SNTG2: variants seen among roughly 807,000 people sequenced by gnomAD.
SNTG2 encodes syntrophin gamma 2.
A neutral mutation model predicts 70.9 loss-of-function variants in SNTG2; 74 were observed. The observed-to-expected ratio is 1.04, with a 90% CI of 0.86 to 1.27. SNTG2 has a LOEUF of 1.27. Ranked by LOEUF, SNTG2 falls within the 50% of genes most tolerant of loss-of-function variation. The pLI, the probability that SNTG2 is intolerant of heterozygous loss-of-function variation, is 0.00. For missense variants in SNTG2, 717 were observed against 690.7 expected, an observed-to-expected ratio of 1.04 and a Z score of -0.43; for synonymous variants, 278 against 273.8, an observed-to-expected ratio of 1.02 and a Z score of -0.15.
Position 1,243,308 on chromosome 2 carries a change from G to C in SNTG2, c.888+3532G>C, listed in dbSNP as rs577558672. ...TGTCCCAGCCCAGGGGGAAGAAAGA[G>C]CAAGCAGCCCTGGGGAAGGGAGGTG... On this transcript the variant is annotated intron_variant, in intron 11 of 16. Transcript: ENST00000308624. Among the ~76,000 whole-genome samples, 32 of 152,332 alleles carry C rather than the reference G, an allele frequency of 2.1e-4. 1 individual carries two copies. In the East Asian group the frequency reaches 6.2e-3, roughly 29 times the overall value.
At chr2:1,084,483 C>T (rs1386527619) in intron 2 of SNTG2, among the ~76,000 whole-genome samples, 1 of 152,170 alleles carries the variant, frequency 6.6e-6, no homozygotes, top group East Asian at 1.9e-4. Flanking sequence ...TGCTCCCCAA[C>T]ATGTCCCCTG....
intron 15 of SNTG2, among the ~76,000 whole-genome samples, chr2:1,314,074 A>G (rs543187424): frequency 1.3e-5 from 2 of 152,308 alleles, no homozygotes; most frequent in African/African-American, 4.8e-5. Flanking sequence ...TTTGTATATA[A>G]TGTTTTAATA....
At chr2:1,005,256 TTATC>T (rs1284050067) in intron 1 of SNTG2, among the ~76,000 whole-genome samples, 1 of 152,076 alleles carries the variant, frequency 6.6e-6, no homozygotes. Flanking sequence ...ACAGGTGTCA[TTATC>T]TGTCTGTCCA....
chr2:1,174,646 C>T (rs1004319575), intron 8 of SNTG2, among the ~76,000 whole-genome samples: 2 of 152,180 alleles, frequency 1.3e-5, no homozygotes, highest in African/African-American at 4.8e-5. Context: ...AGTTTATATT[C>T]ACACAGCTCT....
chr2:1,143,851 C>T (rs566266770), intron 6 of SNTG2, among the ~76,000 whole-genome samples: 15 of 150,442 alleles, frequency 1.0e-4, no homozygotes, highest in East Asian at 8.1e-4. Flanking sequence ...CCAGCCTGGG[C>T]GACAGAGCGA....
chr2:1,177,449 A>T (rs1016828575), intron 8 of SNTG2, among the ~76,000 whole-genome samples: 2 of 151,980 alleles, frequency 1.3e-5, no homozygotes, highest in East Asian at 3.9e-4. Context: ...AATGTAACAA[A>T]CCTGCACATC....
chr2:1,173,248 C>G, intron 8 of SNTG2, 65 bp downstream of exon 8: 1 of 1,419,312 alleles, frequency 7.0e-7, no homozygotes, highest in Non-Finnish European at 9.9e-7. Flanking sequence ...GAGATAATCT[C>G]TAGACAGAAT....
chr2:1,086,573 G>A (rs1664698871), intron 2 of SNTG2, among the ~76,000 whole-genome samples: 2 of 152,178 alleles, frequency 1.3e-5, no homozygotes, highest in South Asian at 2.1e-4. Flanking sequence ...CCCCAGGTAC[G>A]AAGTAGAAGC....
intron 12 of SNTG2, 48 bp from the exon 13 acceptor site, chr2:1,259,322 C>T (rs1282593632): frequency 1.9e-6 from 3 of 1,579,830 alleles, no homozygotes; most frequent in South Asian, 1.1e-5. Flanking sequence ...AATTTTTCAA[C>T]TAAAAGTAGC....
chr2:1,080,236 G>A (rs950610002), intron 1 of SNTG2, among the ~76,000 whole-genome samples: 10 of 150,360 alleles, frequency 6.7e-5, no homozygotes, highest in Admixed American at 5.9e-4. Flanking sequence ...CTATTGCTAG[G>A]GAGATTCCTA....
chr2:983,952 G>A (rs1309455604), intron 1 of SNTG2, among the ~76,000 whole-genome samples: 2 of 152,166 alleles, frequency 1.3e-5, no homozygotes, highest in East Asian at 3.9e-4. Context: ...AGATGTCTGT[G>A]TCCCTGTGTC....
At chr2:1,075,703 A>T (rs1553319904) in intron 1 of SNTG2, among the ~76,000 whole-genome samples, 1 of 152,110 alleles carries the variant, frequency 6.6e-6, no homozygotes, top group Non-Finnish European at 1.5e-5. Context: ...TTACTTGTTG[A>T]TGTCTTCATT....
intron 9 of SNTG2, among the ~76,000 whole-genome samples, chr2:1,209,563 G>A (rs952191036): frequency 1.3e-5 from 2 of 152,176 alleles, no homozygotes; most frequent in Non-Finnish European, 1.5e-5. Flanking sequence ...CTGACTTCTT[G>A]TCCAAGTCTC....
chr2:1,049,969 C>T (rs1661964067), intron 1 of SNTG2, among the ~76,000 whole-genome samples: 1 of 152,184 alleles, frequency 6.6e-6, no homozygotes, highest in Non-Finnish European at 1.5e-5. Context: ...CAGATCTTTG[C>T]AGACTTTGAA....
chr2:1,159,151 GGGTGT>G (rs1670105869), intron 6 of SNTG2, among the ~76,000 whole-genome samples: 1 of 151,388 alleles, frequency 6.6e-6, no homozygotes. Context: ...TATGTGGGGG[GGGTGT>G]GTGAGTGCAT....
intron 1 of SNTG2, among the ~76,000 whole-genome samples, chr2:973,509 G>T (rs1660811593): frequency 6.7e-6 from 1 of 150,176 alleles, no homozygotes; most frequent in African/African-American, 2.4e-5. Context: ...GCTTCTTGGG[G>T]GTGTGTGTGT....
intron 6 of SNTG2, among the ~76,000 whole-genome samples, chr2:1,161,957 C>T (rs1670324099): frequency 6.6e-6 from 1 of 151,754 alleles, no homozygotes; most frequent in African/African-American, 2.4e-5. Flanking sequence ...GCCTGTAGTC[C>T]CAGCTACTTG....
chr2:1,361,299 C>T (rs982312802), intron 16 of SNTG2, among the ~76,000 whole-genome samples: 7 of 151,346 alleles, frequency 4.6e-5, no homozygotes, highest in Admixed American at 6.6e-5. Flanking sequence ...GTGTGTAGCA[C>T]GAAATTCTCA....
chr2:1,281,426 G>A (rs1223492730), intron 14 of SNTG2, among the ~76,000 whole-genome samples: 8 of 9,644 alleles, frequency 8.3e-4, no homozygotes, highest in African/African-American at 1.8e-3. Context: ...TGTGTGTGTG[G>A]TGTGGTGTGT....
Sources: allele counts gnomAD v4.1 joint callset (sites outside exome capture counted in the v4.1 genomes callset), GRCh38; gene constraint gnomAD v4.1.1; transcripts MANE v1.5; gene names NCBI Gene and HGNC (gene_info 2026-07-23, HGNC 2026-07-21).